The following SF3B2 variants were observed in gnomAD, a reference collection of about 807,000 sequenced individuals.
The protein encoded by SF3B2 is SAP 145.
SF3B2 carries 22 observed loss-of-function variants against 116.3 expected under a neutral mutation model. The ratio of observed to expected loss-of-function variants is 0.19; its 90% CI spans 0.14 to 0.27. SF3B2 has a LOEUF of 0.27. SF3B2 is among the 10% of genes least tolerant of loss of function. The pLI, the probability that SF3B2 is intolerant of heterozygous loss-of-function variation, is 1.00. For missense variants in SF3B2, 767 were observed against 1,151.4 expected, an observed-to-expected ratio of 0.67 and a Z score of 4.83; for synonymous variants, 406 against 421.6, an observed-to-expected ratio of 0.96 and a Z score of 0.45.
At chr11:66,062,062 T>C in intron 16 of SF3B2, 64 bp downstream of exon 16, 1 of 1,203,614 alleles carries the variant, frequency 8.3e-7, no homozygotes. Context: ...GTAATTTGTT[T>C]GTTTTCCTTC....
Position 66,052,403 on chromosome 11 carries a change from G to C in SF3B2, c.19G>C (p.Glu7Gln), listed in dbSNP as rs1158444867. 6.2e-7 allele frequency: 1 copy of C among 1,612,102 alleles called. No individual in the cohort carries two copies. The highest frequency in any genetic ancestry group is 1.7e-5 in the Admixed American group (1 of 60,000). ...GGCTAAGATGGCGACGGAGCATCCC[G>C]AGCCTCCCAAAGCAGAATTGCAGCT... MATEHP[E>Q]PPKAELQLPP... The change falls in exon 1 of 22, where the codon GAG (glutamate) becomes CAG (glutamine). Residue 7 changes from glutamate (E) to glutamine (Q), a missense_variant. Physicochemically the swap from Glu to Gln is conservative, Grantham distance 29. Coordinates refer to ENST00000322535, the MANE Select transcript of SF3B2 (RefSeq NM_006842.3).
At chr11:66,064,720 A>G (rs1157342099) in intron 19 of SF3B2, 5 of 152,164 alleles carry the variant, frequency 3.3e-5, no homozygotes, top group African/African-American at 1.2e-4. Flanking sequence ...CTGTAATCTC[A>G]GTACTCTCAG....
intron 5 of SF3B2, among the ~76,000 whole-genome samples, chr11:66,056,396 T>G (rs1271734869): frequency 9.5e-6 from 1 of 105,638 alleles, no homozygotes; most frequent in Non-Finnish European, 1.8e-5. Flanking sequence ...CCAGACTCTG[T>G]CTCAAAAAAA....
intron 16 of SF3B2, among the ~76,000 whole-genome samples, 178 bp downstream of exon 16, chr11:66,062,176 GT>G (rs1333224927): frequency 6.6e-6 from 1 of 151,976 alleles, no homozygotes; most frequent in African/African-American, 2.4e-5. Context: ...AATGGTTTTT[GT>G]TTTTTAAAGA....
intron 21 of SF3B2, 100 bp downstream of exon 21, chr11:66,068,433 C>A: frequency 1.7e-6 from 2 of 1,211,700 alleles, no homozygotes; most frequent in Non-Finnish European, 2.3e-6. Context: ...TGAGGGTGGC[C>A]TCTGCTTGCT....
chr11:66,055,652 G>C, intron 5 of SF3B2, 67 bp downstream of exon 5: 1 of 1,428,476 alleles, frequency 7.0e-7, no homozygotes, highest in Non-Finnish European at 9.8e-7. Context: ...ATAGTGCTTA[G>C]AGTGCACCAT....
At chr11:66,057,018 T>G in intron 6 of SF3B2, 63 bp downstream of exon 6, 1 of 1,240,642 alleles carries the variant, frequency 8.1e-7, no homozygotes, top group Non-Finnish European at 1.2e-6. Flanking sequence ...AAAAAGACTT[T>G]TAAGGTATCT....
chr11:66,053,436 C>T (rs990638152), intron 3 of SF3B2: 1 of 333,368 alleles, frequency 3.0e-6, no homozygotes, highest in South Asian at 3.2e-5. Flanking sequence ...CCCACCACTT[C>T]GGGATGCTTA....
rs1590705674 is a variant in SF3B2, at chr11:66,052,406, C to T, written c.22C>T (p.Pro8Ser). 2 of 1,612,268 alleles carry T rather than the reference C, an allele frequency of 1.2e-6. No individual in the cohort carries two copies. Among genetic ancestry groups the T allele is most frequent in the Non-Finnish European group, 8.5e-7 (1 of 1,179,556 alleles). Residue 8 changes from proline (P) to serine (S), a missense_variant, in exon 1 of 22, where the codon CCT (proline) becomes TCT (serine). Around this residue, in one of 4 missense-constraint regions of SF3B2, gnomAD observed 455 missense variants for 537.5 expected, o/e 0.85. Transcript: ENST00000322535. MATEHPE[P>S]PKAELQLPPP... ...TAAGATGGCGACGGAGCATCCCGAG[C>T]CTCCCAAAGCAGAATTGCAGCTGCC...
intron 9 of SF3B2, 106 bp downstream of exon 9, chr11:66,058,511 C>A: frequency 3.6e-6 from 3 of 836,720 alleles, no homozygotes; most frequent in Non-Finnish European, 5.8e-6. Flanking sequence ...TATTTTGTGC[C>A]AATTTCCGCC....
chr11:66,056,879 C>G lies in SF3B2; in HGVS notation c.591C>G (p.Ala197=). 6.2e-7 allele frequency: 1 copy of G among 1,614,098 alleles called. No homozygotes were observed. Among genetic ancestry groups the G allele is most frequent in the Non-Finnish European group, 8.5e-7 (1 of 1,180,022 alleles). The change falls in exon 6 of 22, where the codon GCC becomes GCG. Residue 197 remains alanine (A), a synonymous_variant. Coordinates refer to ENST00000322535, the MANE Select transcript of SF3B2 (RefSeq NM_006842.3). The part of the protein sequence containing the change: ...LLEQERQQEI[A]KMGTPVPRPP... Reference sequence around the variant, plus strand: ...AGCAGGAACGACAGCAGGAGATTGCCAAGATGGGCACCCCAGTCCCTCGGC... The same window carrying G: ...AGCAGGAACGACAGCAGGAGATTGCGAAGATGGGCACCCCAGTCCCTCGGC...
intron 2 of SF3B2, 95 bp downstream of exon 2, chr11:66,052,814 C>G (rs1272312094): frequency 3.5e-6 from 5 of 1,410,210 alleles, no homozygotes; most frequent in African/African-American, 1.4e-5. Context: ...TTCTTTATCT[C>G]GGCACAGCAA....
At chr11:66,060,033 C>T (rs1857074873) in intron 13 of SF3B2, 24 bp downstream of exon 13, 2 of 1,605,672 alleles carry the variant, frequency 1.2e-6, no homozygotes, top group South Asian at 1.1e-5. Context: ...AGGGCTCAGA[C>T]CTGCCCCCGG....
At position 66,059,384 on chromosome 11, in the gene SF3B2, G is replaced by T. The variant is rs777571307; in HGVS notation, c.1320+46G>T. 8 of 1,612,880 alleles carry T rather than the reference G, an allele frequency of 5.0e-6. No homozygotes were observed. Among genetic ancestry groups the T allele is most frequent in the Non-Finnish European group, 6.8e-6 (8 of 1,179,276 alleles). ...TGGGAAGCAGGGACTCTGGGCACAGGTGGCTGAGATGCATCCAGAGAGGGA... is the reference window on the plus strand; with the variant it reads ...TGGGAAGCAGGGACTCTGGGCACAGTTGGCTGAGATGCATCCAGAGAGGGA... On this transcript the variant is annotated intron_variant, in intron 11 of 21. Coordinates refer to ENST00000322535, the MANE Select transcript of SF3B2 (RefSeq NM_006842.3). This position sits in a 1 kb window ranked among gnomAD's most constrained non-coding sequence, Gnocchi z 5.0.
Position 66,059,221 on chromosome 11 carries a change from G to A in SF3B2, c.1203G>A (p.Lys401=). 1 of 1,614,102 alleles carries A rather than the reference G, an allele frequency of 6.2e-7. No individual in the cohort carries two copies. Among genetic ancestry groups the A allele is most frequent in the Non-Finnish European group, 8.5e-7 (1 of 1,180,014 alleles). The change falls in exon 11 of 22, where the codon AAG becomes AAA. Residue 401 remains lysine, a synonymous_variant. Coordinates refer to ENST00000322535, the MANE Select transcript of SF3B2 (RefSeq NM_006842.3). The surrounding 1 kb of genome is among the most constrained non-coding windows in gnomAD (Gnocchi z 5.0). The part of the protein sequence containing the change: ...EAFKLTDDVK[K]EKEKEPEKLD... ...CTTAGCTCACTGATGATGTGAAGAAGGAGAAAGAGAAGGAGCCAGAGAAAC... is the reference window on the plus strand; with the variant it reads ...CTTAGCTCACTGATGATGTGAAGAAAGAGAAAGAGAAGGAGCCAGAGAAAC...
rs770373833 is a variant in SF3B2 at position 66,063,135 on chromosome 11, C to T, written c.2085+19C>T. The T allele has an allele frequency of 1.0e-5, 16 of 1,563,108 alleles. No individual in the cohort carries two copies. The highest frequency in any genetic ancestry group is 4.1e-5 in the African/African-American group (3 of 73,748). On this transcript the variant is annotated intron_variant, in intron 17 of 21. Transcript: ENST00000322535. ...ATTTCAGGTATGGGCCATGTACTAG[C>T]GATCTTGGTTTTACTTAATGTCATG...
chr11:66,060,651 G>A lies in SF3B2; in HGVS notation c.1699G>A (p.Asp567Asn). The change falls in exon 14 of 22, where the codon GAC becomes AAC. Residue 567 changes from aspartate (D) to asparagine (N), a missense_variant. This residue lies in a region of SF3B2 where 282 missense variants were observed against 568.0 expected (regional missense o/e 0.50). Coordinates refer to ENST00000322535, the MANE Select transcript of SF3B2 (RefSeq NM_006842.3). ...VRPKMGKIDI[D>N]YQKLHDAFFK... ...GCCTAAGATGGGCAAAATTGACATC[G>A]ACTACCAGAAACTGCATGATGCCTT... 6.2e-7 allele frequency: 1 copy of A among 1,614,140 alleles called. No individual in the cohort carries two copies. The highest frequency in any genetic ancestry group is 8.5e-7 in the Non-Finnish European group (1 of 1,180,032).
rs764077374 is a variant in SF3B2, at chr11:66,068,871, A to G, written c.*126A>G. 6.7e-6 allele frequency: 5 copies of G among 747,552 alleles called. No individual in the cohort carries two copies. Among genetic ancestry groups the G allele is most frequent in the African/African-American group, 1.8e-5 (1 of 56,400 alleles). The allele number at this position is 747,552 out of a possible 1,614,324, so 46.3% of individuals were successfully genotyped here. A position where few individuals can be genotyped will look rare whatever the true frequency, so the allele number is the denominator to read the frequency against. Reference sequence around the variant, plus strand: ...TTCTTATTTTAGACCTGTTTTGTAAATAAAGCTGTTTCCCAAGGAAAGAGA... The same window carrying G: ...TTCTTATTTTAGACCTGTTTTGTAAGTAAAGCTGTTTCCCAAGGAAAGAGA... On this transcript the variant is annotated 3_prime_UTR_variant, in exon 22 of 22. Coordinates refer to ENST00000322535, the MANE Select transcript of SF3B2 (RefSeq NM_006842.3).
Position 66,059,839 on chromosome 11 carries a change from C to G in SF3B2, c.1459C>G (p.Leu487Val). The stretch of plus-strand genomic sequence containing the variant: ...CGATGTGACAGCGCAGGACCCTAAG[C>G]TCTTGGTTCACCTCAAGGCCACTCG... ...MHDVTAQDPK[L>V]LVHLKATRNS... The change falls in exon 13 of 22, where the codon CTC becomes GTC. Residue 487 changes from leucine (L) to valine (V), a missense_variant. Physicochemically the swap from Leu to Val is conservative, Grantham distance 32. This residue lies in a region of SF3B2 where 282 missense variants were observed against 568.0 expected (regional missense o/e 0.50). Coordinates refer to ENST00000322535, the MANE Select transcript of SF3B2 (RefSeq NM_006842.3). The surrounding 1 kb of genome is among the most constrained non-coding windows in gnomAD (Gnocchi z 5.0). 1 of 1,614,222 alleles carries G rather than the reference C, an allele frequency of 6.2e-7. No individual in the cohort carries two copies. The highest frequency in any genetic ancestry group is 2.2e-5 in the East Asian group (1 of 44,882).
Sources: allele counts gnomAD v4.1 joint callset (sites outside exome capture counted in the v4.1 genomes callset), GRCh38; gene constraint gnomAD v4.1.1; regional missense constraint gnomAD v4.1.1; non-coding constraint Gnocchi (gnomAD v3.1); transcripts MANE v1.5; gene names NCBI Gene and HGNC (gene_info 2026-07-23, HGNC 2026-07-21).